The following SDK1 variants were observed in gnomAD, a reference collection of about 807,000 sequenced individuals.
The protein encoded by SDK1 is sidekick cell adhesion molecule 1.
Under a neutral mutation model 245.5 loss-of-function variants are expected in SDK1, and 157 were observed. The ratio of observed to expected loss-of-function variants is 0.64; its 90% CI spans 0.56 to 0.73. SDK1 has a LOEUF of 0.73. Ranked by LOEUF, SDK1 falls within the 30% of genes least tolerant of loss-of-function variation. The pLI, the probability that SDK1 is intolerant of heterozygous loss-of-function variation, is 0.00. For synonymous variants in SDK1, 1,647 were observed against 1,278.5 expected, an observed-to-expected ratio of 1.29 and a Z score of -6.15; for missense variants, 3,583 against 3,002.3, an observed-to-expected ratio of 1.19 and a Z score of -4.52.
intron 2 of SDK1, among the ~76,000 whole-genome samples, chr7:3,627,985 T>C (rs1190688963): frequency 6.6e-6 from 1 of 152,198 alleles, no homozygotes; most frequent in Non-Finnish European, 1.5e-5. Context: ...TCAAGCCATT[T>C]CTTTCTCAAA....
At chr7:3,636,056 T>A (rs1487710464) in intron 2 of SDK1, among the ~76,000 whole-genome samples, 1 of 152,246 alleles carries the variant, frequency 6.6e-6, no homozygotes, top group Non-Finnish European at 1.5e-5. Context: ...TTTTTATTTT[T>A]TAATACGATC....
At chr7:3,514,136 G>T (rs1383212071) in intron 1 of SDK1, among the ~76,000 whole-genome samples, 2 of 152,134 alleles carry the variant, frequency 1.3e-5, no homozygotes, top group African/African-American at 4.8e-5. Flanking sequence ...CAGGTTATCA[G>T]TGTTTCAGAG....
chr7:3,917,981 T>C (rs1779444014), intron 5 of SDK1, among the ~76,000 whole-genome samples: 1 of 152,188 alleles, frequency 6.6e-6, no homozygotes, highest in African/African-American at 2.4e-5. Flanking sequence ...TCTAGTTTTC[T>C]GTTTCAGGGC....
chr7:3,907,817 A>C (rs541444065), intron 5 of SDK1, among the ~76,000 whole-genome samples: 1 of 152,322 alleles, frequency 6.6e-6, no homozygotes, highest in African/African-American at 2.4e-5. Context: ...TAGTCCTAGA[A>C]CTGCCCAGTT....
At chr7:3,639,141 T>G (rs1438907818) in intron 3 of SDK1, 31 bp downstream of exon 3, 1 of 1,311,514 alleles carries the variant, frequency 7.6e-7, no homozygotes, top group Non-Finnish European at 1.1e-6. Flanking sequence ...TGTCCAAATG[T>G]TAAAGAACAA....
intron 4 of SDK1, among the ~76,000 whole-genome samples, chr7:3,717,893 A>G (rs1441507568): frequency 6.6e-6 from 1 of 152,114 alleles, no homozygotes; most frequent in Non-Finnish European, 1.5e-5. Context: ...AGAGTAGGAA[A>G]CACTTCCCAA....
At chr7:3,451,752 C>A (rs896849328) in intron 1 of SDK1, among the ~76,000 whole-genome samples, 10 of 152,172 alleles carry the variant, frequency 6.6e-5, no homozygotes, top group African/African-American at 2.4e-4. Flanking sequence ...TGATCACTTT[C>A]CATTTTGCTC....
intron 1 of SDK1, among the ~76,000 whole-genome samples, chr7:3,315,686 C>G (rs777295536): frequency 2.0e-5 from 3 of 152,134 alleles, no homozygotes; most frequent in Non-Finnish European, 2.9e-5. Flanking sequence ...TTCAAACATT[C>G]AGCATTTATA....
chr7:3,624,964 G>A lies in SDK1; in HGVS notation c.458+5725G>A, dbSNP rs181158972. Among the ~76,000 whole-genome samples the A allele has an allele frequency of 1.2e-3, 186 of 152,172 alleles. 1 individual carries two copies. Among genetic ancestry groups the A allele is most frequent in the Non-Finnish European group, 1.4e-3 (95 of 67,996 alleles). On this transcript the variant is annotated intron_variant, in intron 2 of 44. Transcript: ENST00000404826. The stretch of plus-strand genomic sequence containing the variant: ...GGAGGCAGGAGAATCCCTTGAACCC[G>A]GGAGGCGGAGGTTGCAGTAAGCCAA...
At chr7:3,806,226 C>A (rs1389635467) in intron 4 of SDK1, among the ~76,000 whole-genome samples, 1 of 152,236 alleles carries the variant, frequency 6.6e-6, no homozygotes, top group African/African-American at 2.4e-5. Context: ...ATCTTTAGAT[C>A]CTTAACCTCA....
intron 28 of SDK1, among the ~76,000 whole-genome samples, chr7:4,136,743 G>A (rs916403023): frequency 2.8e-4 from 42 of 152,188 alleles, no homozygotes; most frequent in African/African-American, 9.6e-4. Flanking sequence ...CCAGACACGC[G>A]GGATCCCGCC....
intron 35 of SDK1, among the ~76,000 whole-genome samples, chr7:4,193,365 A>T (rs1371266210): frequency 4.8e-5 from 4 of 83,388 alleles, no homozygotes; most frequent in East Asian, 6.7e-4. Flanking sequence ...TATATATATT[A>T]AAATATTTAT....
intron 13 of SDK1, among the ~76,000 whole-genome samples, chr7:3,985,302 T>G (rs1289193236): frequency 6.6e-6 from 1 of 152,254 alleles, no homozygotes; most frequent in East Asian, 1.9e-4. Flanking sequence ...CCATCTTATT[T>G]GGCTATATCT....
chr7:3,513,643 CTTTTA>C (rs907344237), intron 1 of SDK1, among the ~76,000 whole-genome samples: 1 of 152,068 alleles, frequency 6.6e-6, no homozygotes, highest in Non-Finnish European at 1.5e-5. Context: ...ATAATTTCAA[CTTTTA>C]TTTTAGATTA....
chr7:3,819,124 T>G (rs1286720779), intron 4 of SDK1, among the ~76,000 whole-genome samples: 1 of 152,226 alleles, frequency 6.6e-6, no homozygotes, highest in Non-Finnish European at 1.5e-5. Flanking sequence ...GTAGAAATGC[T>G]CTGTTCAGAA....
intron 4 of SDK1, among the ~76,000 whole-genome samples, chr7:3,674,611 G>C (rs971459911): frequency 1.3e-5 from 2 of 152,112 alleles, no homozygotes; most frequent in South Asian, 4.1e-4. Flanking sequence ...GGGATGAATT[G>C]AGATTCTAAG....
chr7:3,892,631 G>A (rs1781488704), intron 5 of SDK1, among the ~76,000 whole-genome samples: 1 of 152,170 alleles, frequency 6.6e-6, no homozygotes. Context: ...AAACCCAGGA[G>A]AGAGTCACCA....
intron 5 of SDK1, among the ~76,000 whole-genome samples, chr7:3,830,856 C>T (rs1224961233): frequency 2.6e-5 from 4 of 152,034 alleles, no homozygotes; most frequent in African/African-American, 9.7e-5. Flanking sequence ...GCAGCGAATG[C>T]CTGATTTCAG....
chr7:3,608,510 C>G (rs1322103101), intron 1 of SDK1, among the ~76,000 whole-genome samples: 1 of 152,162 alleles, frequency 6.6e-6, no homozygotes, highest in African/African-American at 2.4e-5. Flanking sequence ...AAAAATTGAG[C>G]TCATAAGTAA....
Sources: gnomAD v4.1 joint callset for allele counts (sites outside exome capture counted in the v4.1 genomes callset) on GRCh38, gnomAD v4.1.1 for gene constraint, MANE v1.5 for transcripts, NCBI Gene and HGNC (gene_info 2026-07-23, HGNC 2026-07-21) for gene names.